The following SPIDR variants were observed in gnomAD, a reference collection of about 807,000 sequenced individuals.
The protein encoded by SPIDR is scaffold protein involved in DNA repair.
Under a neutral mutation model 104.6 loss-of-function variants are expected in SPIDR, and 93 were observed. The ratio of observed to expected loss-of-function variants is 0.89; its 90% CI spans 0.75 to 1.06. The LOEUF (loss-of-function observed/expected upper bound fraction) is 1.06, where lower values mean the gene tolerates loss of function less well. Among genes scored for constraint, SPIDR ranks in the 50% least tolerant of loss-of-function variants. SPIDR has a pLI of 0.00. For missense variants in SPIDR, 1,154 were observed against 1,111.2 expected (o/e 1.04, Z -0.55); for synonymous variants, 431 against 416.9 (o/e 1.03, Z -0.41).
At chr8:47,367,986 C>T (rs1587785501) in intron 5 of SPIDR, among the ~76,000 whole-genome samples, 2 of 152,150 alleles carry the variant, frequency 1.3e-5, no homozygotes, top group African/African-American at 4.8e-5. Context: ...GATCGAGTGG[C>T]GTATAAACAA....
At chr8:47,702,348 G>C (rs1470307408) in intron 14 of SPIDR, among the ~76,000 whole-genome samples, 1 of 152,150 alleles carries the variant, frequency 6.6e-6, no homozygotes, top group Non-Finnish European at 1.5e-5. Flanking sequence ...TCTCAGCCCA[G>C]TAATGTTCAT....
intron 8 of SPIDR, among the ~76,000 whole-genome samples, chr8:47,530,455 A>C (rs1255224094): frequency 6.6e-6 from 1 of 152,182 alleles, no homozygotes; most frequent in Non-Finnish European, 1.5e-5. Flanking sequence ...AATACAAAAC[A>C]AAACACCTTT....
At chr8:47,630,643 C>G (rs1185915263) in intron 10 of SPIDR, among the ~76,000 whole-genome samples, 1 of 152,170 alleles carries the variant, frequency 6.6e-6, no homozygotes, top group Non-Finnish European at 1.5e-5. Context: ...GTTGGCCTTT[C>G]CAGGGCAATA....
intron 10 of SPIDR, among the ~76,000 whole-genome samples, chr8:47,648,957 T>G (rs1396034365): frequency 6.6e-6 from 1 of 152,210 alleles, no homozygotes; most frequent in African/African-American, 2.4e-5. Flanking sequence ...TACACAATGT[T>G]TTTTAACTTC....
intron 10 of SPIDR, among the ~76,000 whole-genome samples, chr8:47,665,014 G>C (rs1158835825): frequency 3.9e-5 from 6 of 152,166 alleles, no homozygotes; most frequent in Admixed American, 3.9e-4. Context: ...TGTGTAATGA[G>C]AGTGCGAGAG....
chr8:47,295,180 A>G (rs2040612727), intron 5 of SPIDR, among the ~76,000 whole-genome samples: 1 of 152,142 alleles, frequency 6.6e-6, no homozygotes, highest in African/African-American at 2.4e-5. Context: ...TTTTCTTAAC[A>G]TGACATACTT....
At chr8:47,297,719 G>A (rs934321180) in intron 5 of SPIDR, among the ~76,000 whole-genome samples, 1 of 151,650 alleles carries the variant, frequency 6.6e-6, no homozygotes, top group Non-Finnish European at 1.5e-5. Flanking sequence ...TTGGTTTTTT[G>A]TCCTTGTGAT....
At chr8:47,340,407 T>C (rs1356213552) in intron 5 of SPIDR, among the ~76,000 whole-genome samples, 1 of 151,944 alleles carries the variant, frequency 6.6e-6, no homozygotes, top group African/African-American at 2.4e-5. Flanking sequence ...GAGTTTGAGA[T>C]GAGGCTGGCT....
At chr8:47,269,897 C>CT (rs767589001) in intron 1 of SPIDR, among the ~76,000 whole-genome samples, 227 of 152,186 alleles carry the variant, frequency 1.5e-3, no homozygotes, top group Non-Finnish European at 2.5e-3. Flanking sequence ...GTTGCTTTTC[C>CT]TACATCTAAT....
chr8:47,501,000 A>G (rs887967687), intron 8 of SPIDR, among the ~76,000 whole-genome samples: 1 of 152,060 alleles, frequency 6.6e-6, no homozygotes, highest in African/African-American at 2.4e-5. Context: ...CCATTGATCT[A>G]TATCTCTGTT....
chr8:47,592,378 T>C (rs2061135442), intron 8 of SPIDR: 1 of 1,308,664 alleles, frequency 7.6e-7, no homozygotes, highest in Non-Finnish European at 1.1e-6. Flanking sequence ...ATTAGGATGA[T>C]AAATTTTGGT....
At chr8:47,299,530 G>A (rs1231218604) in intron 5 of SPIDR, among the ~76,000 whole-genome samples, 6 of 152,014 alleles carry the variant, frequency 3.9e-5, no homozygotes, top group African/African-American at 1.2e-4. Flanking sequence ...TCTTGTGCCC[G>A]TTTTCAAAGG....
At chr8:47,551,095 C>T (rs1467193485) in intron 8 of SPIDR, among the ~76,000 whole-genome samples, 2 of 152,152 alleles carry the variant, frequency 1.3e-5, no homozygotes, top group Non-Finnish European at 2.9e-5. Flanking sequence ...TATGTTGAAC[C>T]AGCCTTGCAT....
chr8:47,508,362 GC>G (rs1234370755), intron 8 of SPIDR, among the ~76,000 whole-genome samples: 4 of 152,182 alleles, frequency 2.6e-5, no homozygotes, highest in Non-Finnish European at 5.9e-5. Context: ...ATAAGGGAAT[GC>G]ATTGACTTGA....
intron 5 of SPIDR, among the ~76,000 whole-genome samples, chr8:47,386,873 G>A (rs994632658): frequency 1.8e-4 from 21 of 117,690 alleles, no homozygotes; most frequent in African/African-American, 6.7e-4. Context: ...GTGGGGGGAC[G>A]AGGGGAGAGA....
chr8:47,320,419 G>A (rs559686560), intron 5 of SPIDR, among the ~76,000 whole-genome samples: 10 of 152,194 alleles, frequency 6.6e-5, no homozygotes, highest in South Asian at 6.2e-4. Context: ...ATCTCTGAAC[G>A]GACCAATAAC....
At chr8:47,698,987 G>C (rs970061442) in intron 11 of SPIDR, among the ~76,000 whole-genome samples, 2 of 152,168 alleles carry the variant, frequency 1.3e-5, no homozygotes, top group African/African-American at 4.8e-5. Flanking sequence ...TAAGCACTCT[G>C]TCACTGTCTG....
In SPIDR at chr8:47,309,284, T is replaced by A. The variant is rs185530015; in HGVS notation, c.525+15254T>A. 4.7e-3 allele frequency among the ~76,000 whole-genome samples: 710 copies of A among 152,338 alleles called. 4 individuals are homozygous for A. The highest frequency in any genetic ancestry group is 8.2e-3 in the Non-Finnish European group (560 of 68,034). On this transcript the variant is annotated intron_variant, in intron 5 of 19. Coordinates refer to ENST00000297423, the MANE Select transcript of SPIDR (RefSeq NM_001080394.4). The stretch of plus-strand genomic sequence containing the variant: ...TACTGAAGTCTATATTCCAGTGTGT[T>A]CTTATGGTAAAAAGAAAAGGTTGGA...
At chr8:47,331,985 TTC>T (rs1563646577) in intron 5 of SPIDR, among the ~76,000 whole-genome samples, 21 of 61,532 alleles carry the variant, frequency 3.4e-4, no homozygotes, top group African/African-American at 5.4e-4. Flanking sequence ...TTTTTTTTTT[TTC>T]TCTTTTTTTT....
Sources: allele counts gnomAD v4.1 joint callset (sites outside exome capture counted in the v4.1 genomes callset), GRCh38; gene constraint gnomAD v4.1.1; transcripts MANE v1.5; gene names NCBI Gene and HGNC (gene_info 2026-07-23, HGNC 2026-07-21).